PLCH2: variants seen among roughly 807,000 people sequenced by gnomAD.
PLCH2 encodes phospholipase C eta 2, also known as 1-phosphatidylinositol 4,5-bisphosphate phosphodiesterase eta-2.
Under a neutral mutation model 134.7 loss-of-function variants are expected in PLCH2, and 98 were observed. The observed-to-expected ratio is 0.73, with a 90% CI of 0.62 to 0.86. PLCH2 has a LOEUF of 0.86. PLCH2 is among the 40% of genes least tolerant of loss of function. PLCH2 has a pLI of 0.00. For missense variants in PLCH2, 1,994 were observed against 1,986.6 expected (o/e 1.00, Z -0.07); for synonymous variants, 974 against 827.5 (o/e 1.18, Z -3.04).
intron 4 of PLCH2, among the ~76,000 whole-genome samples, chr1:2,481,431 C>G (rs1641963957): frequency 6.6e-6 from 1 of 152,232 alleles, no homozygotes; most frequent in South Asian, 2.1e-4. Context: ...ACATTTTGGG[C>G]TCAGGGGCAG....
the PLCH2 span, among the ~76,000 whole-genome samples, chr1:2,420,526 G>A: frequency 6.6e-6 from 1 of 152,166 alleles, no homozygotes; most frequent in Non-Finnish European, 1.5e-5. Flanking sequence ...GGGAGTCCCG[G>A]AGCTGGACCA....
rs112761328 is a variant in PLCH2, at chr1:2,432,728, G to A, written c.115+2099G>A. Among the ~76,000 whole-genome samples, 1,440 of 152,314 alleles carry A rather than the reference G, an allele frequency of 9.5e-3. 16 individuals are homozygous for A. The highest frequency in any genetic ancestry group is 0.02 in the South Asian group (95 of 4,830). ...CCTGAGCCTCTCAGTGCCTGGGGCC[G>A]GATGCCAGAGGTGGAGGGTCAGAGC... On this transcript the variant is annotated intron_variant, in intron 2 of 3. Coordinates refer to the PLCH2 transcript ENST00000609981.
Position 2,505,260 on chromosome 1 carries a change from G to A in PLCH2, c.*47G>A. On this transcript the variant is annotated 3_prime_UTR_variant, in exon 22 of 22. Transcript: ENST00000378486. Reference sequence around the variant, plus strand: ...GCGGCTCTGGAGGCCCAGGGCAGGGGTGGGCGTGTTGTTTGCTCAGGAAAC... The same window carrying A: ...GCGGCTCTGGAGGCCCAGGGCAGGGATGGGCGTGTTGTTTGCTCAGGAAAC... 9 of 1,438,310 alleles carry A rather than the reference G, an allele frequency of 6.3e-6. No homozygotes were observed. Among genetic ancestry groups the A allele is most frequent in the Non-Finnish European group, 7.5e-6 (8 of 1,066,180 alleles). 89.1% of individuals were successfully genotyped at this position (1,438,310 alleles called of 1,614,324 possible). A position where few individuals can be genotyped will look rare whatever the true frequency, so the allele number is the denominator to read the frequency against.
In PLCH2 at chr1:2,498,409, C is replaced by A. The variant is rs1474399595; in HGVS notation, c.2225-114C>A. 1.6e-6 allele frequency: 2 copies of A among 1,241,034 alleles called. No homozygotes were observed. Among genetic ancestry groups the A allele is most frequent in the South Asian group, 1.5e-5 (1 of 65,660 alleles). 76.9% of individuals were successfully genotyped at this position (1,241,034 alleles called of 1,614,324 possible). A position where few individuals can be genotyped will look rare whatever the true frequency, so the allele number is the denominator to read the frequency against. ...CTGCCTCCCTCCCTCCCCCTGGCAC[C>A]GGCTCCAGTCTCCTATGTGGGGGCT... On this transcript the variant is annotated intron_variant, in intron 16 of 21. Coordinates refer to ENST00000378486, the MANE Select transcript of PLCH2 (RefSeq NM_014638.4). This position sits in a 1 kb window ranked among gnomAD's most constrained non-coding sequence, Gnocchi z 5.4.
At chr1:2,424,800 AC>A (rs1235316334), upstream of PLCH2, among the ~76,000 whole-genome samples, 2 of 152,214 alleles carry the variant, frequency 1.3e-5, no homozygotes, top group African/African-American at 4.8e-5. Context: ...ATCCTGGCTA[AC>A]ACAGTGAAAC....
At chr1:2,441,177 C>T (rs767430763) in intron 2 of PLCH2, among the ~76,000 whole-genome samples, 1 of 152,162 alleles carries the variant, frequency 6.6e-6, no homozygotes, top group African/African-American at 2.4e-5. Context: ...AGGAAAGCCC[C>T]TAGAGGGCCG....
intron 11 of PLCH2, among the ~76,000 whole-genome samples, chr1:2,491,832 C>G: frequency 6.6e-6 from 1 of 151,984 alleles, no homozygotes; most frequent in African/African-American, 2.4e-5. Flanking sequence ...TGGGTGGGCC[C>G]TACAGACCCT....
At chr1:2,500,806 C>T (rs1276411759) in intron 20 of PLCH2, 1 of 79,840 alleles carries the variant, frequency 1.3e-5, no homozygotes, top group Non-Finnish European at 2.4e-5. Flanking sequence ...TCCTCCCTCC[C>T]CTCCCTCAGT....
chr1:2,476,864 T>G (rs992742560), intron 1 of PLCH2, among the ~76,000 whole-genome samples, 152 bp downstream of exon 1: 1 of 152,122 alleles, frequency 6.6e-6, no homozygotes, highest in Non-Finnish European at 1.5e-5. Flanking sequence ...AGGGATCATG[T>G]GGGTCCAGCA....
chr1:2,499,732 CCCCTGCCACCAG>C lies in PLCH2; in HGVS notation c.2661+15_2661+26del. The stretch of plus-strand genomic sequence containing the variant: ...ACATCAGCGGTAAGGTGAGTGTCAC[CCCCTGCCACCAG>C]CCATCATGGGGAGGGGCCACACCAG... On this transcript the variant is annotated intron_variant, in intron 20 of 21. Coordinates refer to ENST00000378486, the MANE Select transcript of PLCH2 (RefSeq NM_014638.4). 4.5e-6 allele frequency: 7 copies of C among 1,560,506 alleles called. No individual in the cohort carries two copies. Among genetic ancestry groups the C allele is most frequent in the Non-Finnish European group, 6.1e-6 (7 of 1,150,608 alleles).
intron 2 of PLCH2, among the ~76,000 whole-genome samples, chr1:2,457,712 C>T (rs1430587516): frequency 1.3e-5 from 2 of 151,982 alleles, no homozygotes; most frequent in African/African-American, 2.4e-5. Flanking sequence ...TCCCCAAAGG[C>T]GAAGGTGGCT....
chr1:2,476,832 T>C lies in PLCH2; in HGVS notation c.124+120T>C, dbSNP rs980362193. On this transcript the variant is annotated intron_variant, in intron 1 of 21. Coordinates refer to ENST00000378486, the MANE Select transcript of PLCH2 (RefSeq NM_014638.4). ...GCCTCCATCCCATCCTGCACTCGCC[T>C]CCCCTGTCCCCCGGGTGCTCTAGGG... is the stretch of plus-strand genomic sequence containing the variant. 6 of 1,046,090 alleles carry C rather than the reference T, an allele frequency of 5.7e-6. No individual in the cohort carries two copies. In the African/African-American group the frequency reaches 8.1e-5, roughly 14 times the overall value. 64.8% of individuals were successfully genotyped at this position (1,046,090 alleles called of 1,614,324 possible). A position where few individuals can be genotyped will look rare whatever the true frequency, so the allele number is the denominator to read the frequency against.
Position 2,484,313 on chromosome 1 carries a change from T to C in PLCH2, c.646-135T>C, listed in dbSNP as rs989525799. 6 of 827,052 alleles carry C rather than the reference T, an allele frequency of 7.3e-6. No homozygotes were observed. In the African/African-American group the frequency reaches 8.6e-5, roughly 12 times the overall value. The allele number at this position is 827,052 out of a possible 1,614,324, so 51.2% of individuals were successfully genotyped here. On this transcript the variant is annotated intron_variant, in intron 4 of 21. Coordinates refer to ENST00000378486, the MANE Select transcript of PLCH2 (RefSeq NM_014638.4). The stretch of plus-strand genomic sequence containing the variant: ...TGCCCTGGGGAGTGATTGGAGGCCG[T>C]GACAAGGGCAGTGGAGTAGAGGAGG...
chr1:2,480,893 C>T (rs1019641803), intron 4 of PLCH2, among the ~76,000 whole-genome samples: 10 of 152,246 alleles, frequency 6.6e-5, no homozygotes, highest in South Asian at 2.1e-4. Flanking sequence ...GTCCTGGTTC[C>T]GGGTGGTGCT....
intron 2 of PLCH2, among the ~76,000 whole-genome samples, chr1:2,446,789 G>A (rs1192421831): frequency 1.3e-5 from 2 of 152,178 alleles, no homozygotes; most frequent in Non-Finnish European, 2.9e-5. Context: ...GCCTGCAGAG[G>A]GGTCAGAGCC....
chr1:2,479,694 C>G, intron 2 of PLCH2, 40 bp from the exon 3 acceptor site: 1 of 1,507,626 alleles, frequency 6.6e-7, no homozygotes. Flanking sequence ...GGACGCTGGG[C>G]CCCCGGGGAC....
At chr1:2,458,009 C>A (rs542364462) in intron 2 of PLCH2, among the ~76,000 whole-genome samples, 2 of 152,270 alleles carry the variant, frequency 1.3e-5, no homozygotes, top group South Asian at 2.1e-4. Context: ...GCCGCACAGG[C>A]AAGGGGCTGG....
intron 2 of PLCH2, among the ~76,000 whole-genome samples, chr1:2,445,620 C>T (rs1222569764): frequency 6.6e-6 from 1 of 151,912 alleles, no homozygotes; most frequent in Admixed American, 6.6e-5. Flanking sequence ...CTGTGGGTGA[C>T]CAGGTAGGGA....
In PLCH2 at chr1:2,496,816, CCGGCGCCACAG is replaced by C; in HGVS notation, c.1934-6_1938del. On this transcript the variant is annotated splice_acceptor_variant and splice_polypyrimidine_tract_variant and intron_variant, in intron 14 of 21. Transcript: ENST00000378486. LOFTEE classifies it high-confidence loss of function. ...GGACTGGCAGTCTGATGCCCGGTCA[CCGGCGCCACAG>C]CGGCGTCCAGCTGGCAGGTGTCGTC... 1 of 1,610,850 alleles carries C rather than the reference CCGGCGCCACAG, an allele frequency of 6.2e-7. No individual in the cohort carries two copies. The highest frequency in any genetic ancestry group is 8.5e-7 in the Non-Finnish European group (1 of 1,178,224).
Sources: gnomAD v4.1 joint callset for allele counts (sites outside exome capture counted in the v4.1 genomes callset) on GRCh38, gnomAD v4.1.1 for gene constraint, Gnocchi (gnomAD v3.1) non-coding constraint, MANE v1.5 for transcripts, NCBI Gene and HGNC (gene_info 2026-07-23, HGNC 2026-07-21) for gene names.